Variants in AKR1C8 observed in about 807,000 individuals in gnomAD.
AKR1C8 encodes aldo-keto reductase family 1 member C8, also known as aldo-keto reductase family 1 member C-like protein 1.
At chr10:5,165,169 T>C in the AKR1C8 span, among the ~76,000 whole-genome samples, 1 of 152,166 alleles carries the variant, frequency 6.6e-6, no homozygotes, top group Admixed American at 6.5e-5. Context: ...CACGAGTGAA[T>C]ACCCTCCTCC....
At chr10:5,184,885 G>T in the AKR1C8 span, 1 of 355,300 alleles carries the variant, frequency 2.8e-6, no homozygotes, top group South Asian at 2.1e-5. Context: ...GTTAGAGACA[G>T]TTAAATGAAA....
At chr10:5,143,692 GATAT>G in the AKR1C8 span, among the ~76,000 whole-genome samples, 3 of 147,416 alleles carry the variant, frequency 2.0e-5, no homozygotes, top group South Asian at 4.2e-4. Context: ...ACATATACTA[GATAT>G]ATTATTAAAT....
chr10:5,126,907 C>T, the AKR1C8 span, among the ~76,000 whole-genome samples: 3 of 151,822 alleles, frequency 2.0e-5, no homozygotes, highest in Non-Finnish European at 4.4e-5. Context: ...AAAGTCAGTT[C>T]CTTAAAAGGG....
chr10:5,154,167 A>C, the AKR1C8 span: 1 of 470,476 alleles, frequency 2.1e-6, no homozygotes, highest in Non-Finnish European at 4.4e-6. Context: ...ATGGAAAATA[A>C]GGGTGATTAG....
chr10:5,124,417 A>C, the AKR1C8 span, among the ~76,000 whole-genome samples: 1 of 152,066 alleles, frequency 6.6e-6, no homozygotes, highest in Non-Finnish European at 1.5e-5. Flanking sequence ...GGAAAGAGTT[A>C]AGCTTTTAGC....
chr10:5,139,773 A>G, the AKR1C8 span, among the ~76,000 whole-genome samples: 2 of 152,290 alleles, frequency 1.3e-5, no homozygotes, highest in African/African-American at 2.4e-5. Flanking sequence ...ACCAAAAACA[A>G]TGGCAACAAA....
the AKR1C8 span, among the ~76,000 whole-genome samples, chr10:5,170,886 C>T: frequency 6.6e-6 from 1 of 152,146 alleles, no homozygotes; most frequent in East Asian, 1.9e-4. Context: ...AGATAGTTTC[C>T]AAATTTTGGA....
chr10:5,144,642 A>G, the AKR1C8 span, among the ~76,000 whole-genome samples: 12 of 152,144 alleles, frequency 7.9e-5, no homozygotes, highest in Non-Finnish European at 1.8e-4. Context: ...AGCAATTGTG[A>G]ATGGGAATTC....
At chr10:5,143,968 G>C in the AKR1C8 span, among the ~76,000 whole-genome samples, 1 of 151,970 alleles carries the variant, frequency 6.6e-6, no homozygotes, top group Middle Eastern at 3.2e-3. Context: ...ACTGTTCTTA[G>C]AGATGCATAA....
the AKR1C8 span, among the ~76,000 whole-genome samples, chr10:5,163,474 C>A: frequency 0.5 from 75,360 of 152,026 alleles, 20,102 homozygotes; most frequent in Non-Finnish European, 0.6. Flanking sequence ...ACCCTACCTC[C>A]CTGTGACCAG....
At chr10:5,158,520 T>G in the AKR1C8 span, 1 of 409,672 alleles carries the variant, frequency 2.4e-6, no homozygotes, top group East Asian at 7.3e-5. Context: ...TAATACAATT[T>G]TTAAAACTTC....
At chr10:5,116,024 G>A in the AKR1C8 span, among the ~76,000 whole-genome samples, 1 of 152,078 alleles carries the variant, frequency 6.6e-6, no homozygotes, top group Non-Finnish European at 1.5e-5. Context: ...CTGGTGGAGT[G>A]ACCCAAACCT....
chr10:5,136,250 T>C, the AKR1C8 span, among the ~76,000 whole-genome samples: 1 of 152,112 alleles, frequency 6.6e-6, no homozygotes, highest in Non-Finnish European at 1.5e-5. Flanking sequence ...GAGGGCAAAT[T>C]TGAATGTAAT....
chr10:5,169,649 T>C, the AKR1C8 span, among the ~76,000 whole-genome samples: 3 of 151,816 alleles, frequency 2.0e-5, no homozygotes, highest in African/African-American at 7.3e-5. Flanking sequence ...TTAAGCAAAA[T>C]CTTACAGTAA....
At chr10:5,128,888 A>T in the AKR1C8 span, among the ~76,000 whole-genome samples, 1 of 152,096 alleles carries the variant, frequency 6.6e-6, no homozygotes, top group Non-Finnish European at 1.5e-5. Flanking sequence ...CAAGGCAGAA[A>T]GTAAATAGGA....
At chr10:5,158,468 ACTACACCGTTG>A in the AKR1C8 span, 6 of 369,574 alleles carry the variant, frequency 1.6e-5, no homozygotes, top group Non-Finnish European at 3.2e-5. Flanking sequence ...ATGGGAACAA[ACTACACCGTTG>A]CTTTTCGCTT....
chr10:5,157,669 C>T, the AKR1C8 span: 14 of 472,606 alleles, frequency 3.0e-5, no homozygotes, highest in Non-Finnish European at 4.0e-5. Context: ...CTGAGAGAAG[C>T]TCTTGGCCAG....
At chr10:5,183,131 C>A in the AKR1C8 span, among the ~76,000 whole-genome samples, 1 of 152,040 alleles carries the variant, frequency 6.6e-6, no homozygotes. Flanking sequence ...TTTAGACTAA[C>A]CCTACTTATT....
the AKR1C8 span, among the ~76,000 whole-genome samples, chr10:5,153,952 T>G: frequency 6.6e-6 from 1 of 152,210 alleles, no homozygotes; most frequent in Non-Finnish European, 1.5e-5. Context: ...TTCTAAAATT[T>G]ATGGGTATTA....
Sources: allele counts gnomAD v4.1 joint callset (sites outside exome capture counted in the v4.1 genomes callset), GRCh38; gene constraint gnomAD v4.1.1; transcripts MANE v1.5; gene names NCBI Gene and HGNC (gene_info 2026-07-23, HGNC 2026-07-21).